Variants in DNAJA3 observed in about 807,000 individuals in gnomAD.
The protein encoded by DNAJA3 is DnaJ heat shock protein family (Hsp40) member A3.
Under a neutral mutation model 54.9 loss-of-function variants are expected in DNAJA3, and 29 were observed. The observed-to-expected ratio is 0.53, with a 90% confidence interval of 0.39 to 0.72. DNAJA3 has a LOEUF of 0.72. Ranked by LOEUF, DNAJA3 falls within the 30% of genes least tolerant of loss-of-function variation. DNAJA3 has a pLI of 0.00. For missense variants in DNAJA3, 708 were observed against 639.4 expected (o/e 1.11, Z -1.16); for synonymous variants, 302 against 251.4 (o/e 1.20, Z -1.90).
chr16:4,447,006 A>G lies in DNAJA3; in HGVS notation c.1117A>G (p.Asn373Asp), dbSNP rs776773756. 6.8e-6 allele frequency: 11 copies of G among 1,613,494 alleles called. No individual in the cohort carries two copies. Among genetic ancestry groups the G allele is most frequent in the South Asian group, 1.1e-5 (1 of 91,018 alleles). Residue 373 changes from asparagine (N) to aspartate (D), a missense_variant, in exon 8 of 12, where the codon AAC (asparagine) becomes GAC (aspartate). Physicochemically the swap from Asn to Asp is conservative, Grantham distance 23 (BLOSUM62 1). Coordinates refer to ENST00000262375, the MANE Select transcript of DNAJA3 (RefSeq NM_005147.6). The stretch of plus-strand genomic sequence containing the variant: ...AGCCCAGGGCCTGTACGAGACGATC[A>G]ACGTGACGGTAAGAGGGTGTGAGAA... ...ARAQGLYETI[N>D]VTIPPGTQTD...
intron 6 of DNAJA3, among the ~76,000 whole-genome samples, chr16:4,443,953 TGAG>T (rs571765284): frequency 1.8e-4 from 27 of 152,242 alleles, no homozygotes; most frequent in Non-Finnish European, 3.5e-4. Flanking sequence ...CCCAAAGTGC[TGAG>T]ATTATAGTCA....
intron 1 of DNAJA3, among the ~76,000 whole-genome samples, chr16:4,428,248 G>C (rs2141366536): frequency 2.0e-5 from 3 of 152,180 alleles, no homozygotes; most frequent in African/African-American, 7.2e-5. Context: ...ACCGCGACCG[G>C]CCTTATTTTT....
chr16:4,447,712 T>G (rs1381778411), intron 8 of DNAJA3: 2 of 152,526 alleles, frequency 1.3e-5, no homozygotes, highest in Non-Finnish European at 2.9e-5. Flanking sequence ...CCCAAACTCT[T>G]GCCCCCTCAT....
chr16:4,441,370 T>C lies in DNAJA3; in HGVS notation c.430-5T>C. 2.5e-6 allele frequency: 4 copies of C among 1,609,578 alleles called. No individual in the cohort carries two copies. The highest frequency in any genetic ancestry group is 3.4e-6 in the Non-Finnish European group (4 of 1,177,676). ...GATGCCCAGTGGCTCTGCCTTTCAC[T>C]GTAGGTTTTGAGTGATGAGGTGAAG... On this transcript the variant is annotated splice_region_variant and splice_polypyrimidine_tract_variant and intron_variant, in intron 3 of 11. Coordinates refer to ENST00000262375, the MANE Select transcript of DNAJA3 (RefSeq NM_005147.6).
At chr16:4,434,631 T>C (rs1304945010) in intron 2 of DNAJA3, 114 bp downstream of exon 2, 5 of 1,266,278 alleles carry the variant, frequency 3.9e-6, no homozygotes, top group Middle Eastern at 1.9e-4. Context: ...CATGAGCTGA[T>C]AGTATAGAAG....
intron 2 of DNAJA3, among the ~76,000 whole-genome samples, chr16:4,436,818 G>A (rs899000304): frequency 1.9e-4 from 29 of 152,208 alleles, no homozygotes; most frequent in African/African-American, 7.0e-4. Context: ...TAACAGGCAT[G>A]AGCCACTGCG....
rs77370016 is a variant in DNAJA3 at position 4,444,945 on chromosome 16, A to G, written c.996+217A>G. 4.4e-4 allele frequency among the ~76,000 whole-genome samples: 67 copies of G among 152,332 alleles called. No individual in the cohort carries two copies. The East Asian group carries it at 0.011, about 26-fold the overall frequency. On this transcript the variant is annotated intron_variant, in intron 7 of 11. Coordinates refer to ENST00000262375, the MANE Select transcript of DNAJA3 (RefSeq NM_005147.6). ...GAGAAGACAACTTCTTCAACATGCT[A>G]ACAAGTTAGAAATACAGGTCACATA... is the stretch of plus-strand genomic sequence containing the variant.
intron 10 of DNAJA3, among the ~76,000 whole-genome samples, chr16:4,451,790 G>A (rs1455238585): frequency 6.7e-6 from 1 of 148,764 alleles, no homozygotes; most frequent in African/African-American, 2.5e-5. Flanking sequence ...GCCTGGCGCG[G>A]TGGCTCACGC....
chr16:4,446,869 G>C lies in DNAJA3; in HGVS notation c.997-17G>C, dbSNP rs749431576. On this transcript the variant is annotated splice_polypyrimidine_tract_variant and intron_variant, in intron 7 of 11. Transcript: ENST00000262375. ...AGTGGACTTATCTTCACATGCATCT[G>C]TCATGTTTGGCCTTAGGTGCAGAAA... is the stretch of plus-strand genomic sequence containing the variant. The C allele has an allele frequency of 6.2e-7, 1 of 1,613,456 alleles. No individual in the cohort carries two copies. The highest frequency in any genetic ancestry group is 8.5e-7 in the Non-Finnish European group (1 of 1,179,724).
chr16:4,429,472 C>T (rs765642504), intron 1 of DNAJA3, among the ~76,000 whole-genome samples: 1 of 152,086 alleles, frequency 6.6e-6, no homozygotes, highest in Non-Finnish European at 1.5e-5. Context: ...CTGTCCACCT[C>T]AGCCTCCTAA....
At chr16:4,450,364 C>T (rs576761375) in intron 9 of DNAJA3, 36 bp from the exon 10 acceptor site, 35 of 1,535,326 alleles carry the variant, frequency 2.3e-5, no homozygotes, top group African/African-American at 1.5e-4. Flanking sequence ...AGCTTCCCGG[C>T]GGAAGCCTTG....
Position 4,448,758 on chromosome 16 carries a change from A to T in DNAJA3, c.1151A>T (p.Gln384Leu), listed in dbSNP as rs764799382. The change falls in exon 9 of 12, where the codon CAG (glutamine) becomes CTG (leucine). Residue 384 changes from glutamine (Q) to leucine (L), a missense_variant. Gln to Leu is a moderately radical substitution (Grantham distance 113, BLOSUM62 -2). Coordinates refer to ENST00000262375, the MANE Select transcript of DNAJA3 (RefSeq NM_005147.6). ...ATCCCCCCTGGGACTCAGACAGACC[A>T]GAAGATTCGGATGGGTGGGAAAGGC... Reference protein sequence around the residue: ...VTIPPGTQTDQKIRMGGKGIP... With the variant: ...VTIPPGTQTDLKIRMGGKGIP... 1 of 1,614,124 alleles carries T rather than the reference A, an allele frequency of 6.2e-7. No homozygotes were observed.
At chr16:4,441,657 CAGAA>C (rs2056838612) in intron 4 of DNAJA3, 82 bp downstream of exon 4, 2 of 1,440,016 alleles carry the variant, frequency 1.4e-6, no homozygotes, top group Non-Finnish European at 1.9e-6. Context: ...TTCTGTTTCT[CAGAA>C]AGGCAAGGCA....
intron 1 of DNAJA3, 55 bp downstream of exon 1, chr16:4,426,147 G>C: frequency 6.8e-7 from 1 of 1,466,508 alleles, no homozygotes. Flanking sequence ...AAAAGAGTGA[G>C]TCTCCTCGCT....
intron 4 of DNAJA3, 104 bp from the exon 5 acceptor site, chr16:4,442,164 A>C: frequency 4.1e-6 from 5 of 1,223,534 alleles, no homozygotes; most frequent in Non-Finnish European, 5.6e-6. Context: ...GTGGTGAAAG[A>C]GTGACTGAAA....
chr16:4,441,182 A>G (rs1232348526), intron 3 of DNAJA3, 193 bp from the exon 4 acceptor site: 3 of 594,686 alleles, frequency 5.0e-6, no homozygotes, highest in Non-Finnish European at 8.9e-6. Context: ...CACGCCCTAC[A>G]CTTAGCATTC....
In DNAJA3 at chr16:4,456,650, C is replaced by A. The variant is rs1371648849; in HGVS notation, c.*1118C>A. 6.6e-6 allele frequency: 1 copy of A among 152,558 alleles called. No homozygotes were observed. The highest frequency in any genetic ancestry group is 2.4e-5 in the African/African-American group (1 of 41,404). The allele number at this position is 152,558 out of a possible 1,614,324, so 9.5% of individuals were successfully genotyped here. A position where few individuals can be genotyped will look rare whatever the true frequency, so the allele number is the denominator to read the frequency against. On this transcript the variant is annotated 3_prime_UTR_variant, in exon 12 of 12. Coordinates refer to ENST00000262375, the MANE Select transcript of DNAJA3 (RefSeq NM_005147.6). ...AATGAAGAACACTTCTCAACAGTTT[C>A]CTTTTTGTTTTCCTTTATAATTCAC...
intron 1 of DNAJA3, among the ~76,000 whole-genome samples, chr16:4,428,606 A>T (rs1317794032): frequency 6.6e-6 from 1 of 152,220 alleles, no homozygotes; most frequent in Admixed American, 6.6e-5. Flanking sequence ...GCTTTGTGTG[A>T]AGCTGTGACT....
At chr16:4,442,706 G>A in intron 5 of DNAJA3, 1 of 516,724 alleles carries the variant, frequency 1.9e-6, no homozygotes, top group South Asian at 3.3e-5. Flanking sequence ...GTAATTCAAG[G>A]GGAAATAATC....
Sources: gnomAD v4.1 joint callset for allele counts (sites outside exome capture counted in the v4.1 genomes callset) on GRCh38, gnomAD v4.1.1 for gene constraint, MANE v1.5 for transcripts, NCBI Gene and HGNC (gene_info 2026-07-23, HGNC 2026-07-21) for gene names.